POU6F2: variants seen among roughly 807,000 people sequenced by gnomAD.
POU6F2 encodes POU domain, class 6, transcription factor 2.
POU6F2 carries 31 observed loss-of-function variants against 71.3 expected under a neutral mutation model. The observed-to-expected ratio is 0.43, with a 90% CI of 0.33 to 0.59. The LOEUF (loss-of-function observed/expected upper bound fraction) is 0.59, where lower values mean the gene tolerates loss of function less well. POU6F2 is among the 20% of genes least tolerant of loss of function. POU6F2 has a pLI of 0.04. For missense variants in POU6F2, 783 were observed against 856.8 expected (o/e 0.91, Z 1.07); for synonymous variants, 347 against 355.7 (o/e 0.98, Z 0.27).
intron 6 of POU6F2, among the ~76,000 whole-genome samples, chr7:39,423,160 T>C (rs1787890642): frequency 6.6e-6 from 1 of 152,230 alleles, no homozygotes; most frequent in Admixed American, 6.5e-5. Context: ...CCTAAAGTCA[T>C]TGACAGTTGC....
chr7:39,074,070 C>T (rs767262760), intron 1 of POU6F2, among the ~76,000 whole-genome samples: 8 of 152,078 alleles, frequency 5.3e-5, no homozygotes, highest in East Asian at 1.9e-4. Context: ...CTAAATTGGC[C>T]GGGCATGGTG....
chr7:39,030,996 G>T (rs1221897944), intron 1 of POU6F2, among the ~76,000 whole-genome samples: 2 of 152,070 alleles, frequency 1.3e-5, no homozygotes, highest in African/African-American at 4.8e-5. Flanking sequence ...CTCCTCCCGG[G>T]TTCAAGCGAT....
At chr7:39,250,803 AT>A (rs1349307403) in intron 4 of POU6F2, among the ~76,000 whole-genome samples, 3 of 152,192 alleles carry the variant, frequency 2.0e-5, no homozygotes, top group Non-Finnish European at 4.4e-5. Context: ...TGAGGGAAAA[AT>A]TATCTTTATA....
chr7:39,294,359 G>T (rs908440793), intron 4 of POU6F2, among the ~76,000 whole-genome samples: 7 of 142,196 alleles, frequency 4.9e-5, no homozygotes, highest in Non-Finnish European at 3.1e-5. Flanking sequence ...AAAAGTGATG[G>T]CAAAAAGCGA....
intron 1 of POU6F2, among the ~76,000 whole-genome samples, chr7:39,061,832 C>A (rs1048001589): frequency 2.9e-4 from 44 of 152,088 alleles, no homozygotes; most frequent in African/African-American, 1.0e-3. Context: ...CTGTCAAATA[C>A]CAAAGACTGA....
chr7:39,399,120 C>T (rs1479519268), intron 5 of POU6F2, among the ~76,000 whole-genome samples: 1 of 152,156 alleles, frequency 6.6e-6, no homozygotes, highest in Non-Finnish European at 1.5e-5. Flanking sequence ...CTCTAAACCA[C>T]CACCCCTTCT....
intron 6 of POU6F2, among the ~76,000 whole-genome samples, 181 bp from the exon 7 acceptor site, chr7:39,432,896 A>G (rs1409525940): frequency 6.6e-6 from 1 of 151,638 alleles, no homozygotes; most frequent in Non-Finnish European, 1.5e-5. Context: ...GTGTGTACTT[A>G]TCTCTGCTTT....
intron 2 of POU6F2, among the ~76,000 whole-genome samples, chr7:39,158,536 C>T (rs916450101): frequency 6.6e-6 from 1 of 152,112 alleles, no homozygotes; most frequent in African/African-American, 2.4e-5. Flanking sequence ...AGGTCAGTGG[C>T]ATCACTCTCG....
intron 4 of POU6F2, chr7:39,329,039 ACTT>A: frequency 6.2e-6 from 1 of 160,322 alleles, no homozygotes; most frequent in Non-Finnish European, 1.4e-5. Flanking sequence ...GAAAACGGTT[ACTT>A]CATCTCAATT....
intron 4 of POU6F2, among the ~76,000 whole-genome samples, chr7:39,311,103 G>A (rs1395647976): frequency 2.0e-5 from 3 of 151,812 alleles, no homozygotes; most frequent in African/African-American, 4.8e-5. Flanking sequence ...GTTACCAAGT[G>A]GCTGTCTCCT....
At chr7:39,129,689 C>A (rs950511661) in intron 2 of POU6F2, among the ~76,000 whole-genome samples, 1 of 151,856 alleles carries the variant, frequency 6.6e-6, no homozygotes, top group South Asian at 2.1e-4. Flanking sequence ...CCATACACAT[C>A]ATTTTTTAAC....
At chr7:39,234,399 G>T (rs1794634337) in intron 4 of POU6F2, among the ~76,000 whole-genome samples, 1 of 152,118 alleles carries the variant, frequency 6.6e-6, no homozygotes, top group Admixed American at 6.6e-5. Flanking sequence ...CTGGTATTGT[G>T]CAGTGCTGAG....
chr7:39,397,370 TAG>T (rs1448550726), intron 5 of POU6F2, among the ~76,000 whole-genome samples: 2 of 147,588 alleles, frequency 1.4e-5, no homozygotes, highest in Non-Finnish European at 3.0e-5. Context: ...GACAAATATA[TAG>T]AGAGACAAAT....
At chr7:39,109,126 G>A (rs188923937) in intron 2 of POU6F2, among the ~76,000 whole-genome samples, 257 of 152,212 alleles carry the variant, frequency 1.7e-3, no homozygotes, top group African/African-American at 6.0e-3. Context: ...ACTCACTGCA[G>A]CCTCAAACTG....
At chr7:39,457,793 C>T (rs773085665) in intron 8 of POU6F2, among the ~76,000 whole-genome samples, 2 of 152,122 alleles carry the variant, frequency 1.3e-5, no homozygotes, top group Non-Finnish European at 2.9e-5. Context: ...CTCCAGCTTT[C>T]CATCTTTTCA....
chr7:39,207,320 A>G, intron 3 of POU6F2, 72 bp from the exon 4 acceptor site: 1 of 1,426,074 alleles, frequency 7.0e-7, no homozygotes, highest in Non-Finnish European at 9.6e-7. Flanking sequence ...ACTTAAGTGG[A>G]AAGAAGATGT....
At chr7:39,058,591 A>G (rs993774581) in intron 1 of POU6F2, among the ~76,000 whole-genome samples, 5 of 152,168 alleles carry the variant, frequency 3.3e-5, no homozygotes, top group Non-Finnish European at 7.3e-5. Flanking sequence ...TCAATCTCTT[A>G]ATGGTTATTT....
chr7:39,209,107 A>G (rs1215361455), intron 4 of POU6F2, among the ~76,000 whole-genome samples: 1 of 152,164 alleles, frequency 6.6e-6, no homozygotes, highest in East Asian at 1.9e-4. Context: ...TTCTTAAGAT[A>G]TTAGTACCTG....
chr7:39,293,431 A>G (rs1490751073), intron 4 of POU6F2, among the ~76,000 whole-genome samples: 1 of 152,230 alleles, frequency 6.6e-6, no homozygotes, highest in Non-Finnish European at 1.5e-5. Context: ...TCTGCAGTCT[A>G]TTCATATAAT....
Sources: gnomAD v4.1 joint callset for allele counts (sites outside exome capture counted in the v4.1 genomes callset) on GRCh38, gnomAD v4.1.1 for gene constraint, MANE v1.5 for transcripts, NCBI Gene and HGNC (gene_info 2026-07-23, HGNC 2026-07-21) for gene names.